ELMO1: variants seen among roughly 807,000 people sequenced by gnomAD.
ELMO1 encodes the protein engulfment and cell motility 1.
Under a neutral mutation model 98.9 loss-of-function variants are expected in ELMO1, and 26 were observed. That is an observed-to-expected ratio of 0.26 (90% CI 0.19 to 0.36). The LOEUF is 0.36. ELMO1 is among the 10% of genes least tolerant of loss of function. The pLI, the probability that ELMO1 is intolerant of heterozygous loss-of-function variation, is 1.00. For missense variants in ELMO1, 627 were observed against 935.2 expected (o/e 0.67, Z 4.30); for synonymous variants, 346 against 346.0 (o/e 1.00, Z 0.00).
chr7:36,863,188 T>C (rs2129034898), intron 20 of ELMO1, among the ~76,000 whole-genome samples: 1 of 152,292 alleles, frequency 6.6e-6, no homozygotes, highest in South Asian at 2.1e-4. Context: ...AAGGAAAGAA[T>C]GCTGAGTCGT....
At chr7:37,381,828 T>C (rs1802594222) in intron 1 of ELMO1, among the ~76,000 whole-genome samples, 1 of 152,162 alleles carries the variant, frequency 6.6e-6, no homozygotes, top group African/African-American at 2.4e-5. Context: ...TTAGTAAAAT[T>C]TCATTTCCTC....
chr7:37,108,588 A>G (rs1168995109), intron 14 of ELMO1, among the ~76,000 whole-genome samples: 1 of 152,190 alleles, frequency 6.6e-6, no homozygotes, highest in Non-Finnish European at 1.5e-5. Flanking sequence ...CAAGTGAGAT[A>G]ACCTTTTATC....
chr7:37,291,113 C>T (rs1797659203), intron 4 of ELMO1, among the ~76,000 whole-genome samples: 1 of 152,020 alleles, frequency 6.6e-6, no homozygotes, highest in East Asian at 1.9e-4. Context: ...ATGGAAGTGG[C>T]AGATAGGTAA....
chr7:36,919,493 C>A, intron 16 of ELMO1: 1 of 464,408 alleles, frequency 2.2e-6, no homozygotes, highest in Non-Finnish European at 4.7e-6. Flanking sequence ...AAACCTGGTT[C>A]TCTCACTTAT....
intron 13 of ELMO1, among the ~76,000 whole-genome samples, chr7:37,180,178 T>C (rs1295985929): frequency 5.3e-5 from 8 of 152,180 alleles, no homozygotes; most frequent in South Asian, 2.1e-4. Context: ...AGATTTTCCA[T>C]GGTCTTCAGG....
chr7:36,865,348 G>T (rs764178166), intron 20 of ELMO1, among the ~76,000 whole-genome samples: 1 of 152,168 alleles, frequency 6.6e-6, no homozygotes, highest in Non-Finnish European at 1.5e-5. Flanking sequence ...ATAGCTTATT[G>T]CTGTCCAGAT....
intron 15 of ELMO1, among the ~76,000 whole-genome samples, chr7:37,021,304 A>C (rs1794252702): frequency 1.3e-5 from 2 of 152,224 alleles, no homozygotes; most frequent in Admixed American, 1.3e-4. Flanking sequence ...TCAGCTCCTG[A>C]AGTCTGGTTT....
At chr7:36,861,613 GA>G (rs1304125415) in intron 21 of ELMO1, 45 bp downstream of exon 21, 1 of 1,569,124 alleles carries the variant, frequency 6.4e-7, no homozygotes, top group Non-Finnish European at 8.7e-7. Flanking sequence ...TTTTTCTTGA[GA>G]AAAGATAACA....
At position 37,050,380 on chromosome 7, in the gene ELMO1, G is replaced by A. The variant is rs1368739203; in HGVS notation, c.1301-36945C>T. ...CTCCCAAAGTGCTGGGATTATAGGC[G>A]TGAGCCACCATGCCTGGCCCCCAGT... On this transcript the variant is annotated intron_variant, in intron 15 of 21. Transcript: ENST00000310758. 8.6e-5 allele frequency among the ~76,000 whole-genome samples: 13 copies of A among 151,948 alleles called. No individual in the cohort carries two copies. In the East Asian group the frequency reaches 1.7e-3, roughly 20 times the overall value.
In ELMO1 at chr7:37,241,236, C is replaced by T. The variant is rs183036959; in HGVS notation, c.449+3120G>A. On this transcript the variant is annotated intron_variant, in intron 7 of 21. Transcript: ENST00000310758. ...GGAGGATTAAATCTTCTTAATGAGG[C>T]GACCATTTTTATTACTAATTATCCC... 1.7e-3 allele frequency among the ~76,000 whole-genome samples: 260 copies of T among 152,016 alleles called. 1 individual carries two copies. The highest frequency in any genetic ancestry group is 2.3e-3 in the Non-Finnish European group (157 of 67,926).
At chr7:37,394,946 A>T (rs1055452145) in intron 1 of ELMO1, among the ~76,000 whole-genome samples, 2 of 152,206 alleles carry the variant, frequency 1.3e-5, no homozygotes, top group African/African-American at 4.8e-5. Context: ...GATGAATATC[A>T]TGGAAGGCTG....
chr7:37,100,903 T>C (rs772520628), intron 14 of ELMO1, among the ~76,000 whole-genome samples: 1 of 152,190 alleles, frequency 6.6e-6, no homozygotes, highest in African/African-American at 2.4e-5. Flanking sequence ...CTGCATGTCT[T>C]TGTGAGATAC....
chr7:36,882,630 G>T (rs1264251314), intron 18 of ELMO1, among the ~76,000 whole-genome samples: 1 of 152,208 alleles, frequency 6.6e-6, no homozygotes, highest in Non-Finnish European at 1.5e-5. Flanking sequence ...CACATAGCTG[G>T]ATGACACACC....
At chr7:37,357,009 A>G (rs1200857530) in intron 1 of ELMO1, among the ~76,000 whole-genome samples, 1 of 152,154 alleles carries the variant, frequency 6.6e-6, no homozygotes, top group African/African-American at 2.4e-5. Context: ...GGAGGAAGAC[A>G]TGCTACACAG....
chr7:37,171,481 CTATTTTTTTTTTT>C (rs1481742303), intron 13 of ELMO1, among the ~76,000 whole-genome samples: 2 of 44,298 alleles, frequency 4.5e-5, no homozygotes, highest in African/African-American at 1.2e-4. Flanking sequence ...CCAGGCCTTT[CTATTTTTTTTTTT>C]TTTTTTTTTT....
At chr7:36,957,768 G>A (rs1345447399) in intron 16 of ELMO1, among the ~76,000 whole-genome samples, 1 of 152,180 alleles carries the variant, frequency 6.6e-6, no homozygotes, top group Non-Finnish European at 1.5e-5. Context: ...TGCCCCAAGT[G>A]TGGAGAGAAC....
intron 4 of ELMO1, among the ~76,000 whole-genome samples, chr7:37,278,211 T>A (rs951867171): frequency 1.3e-5 from 2 of 150,272 alleles, no homozygotes; most frequent in Non-Finnish European, 3.0e-5. Flanking sequence ...AGTTTCCAGT[T>A]ATGCGAATAC....
At chr7:37,260,203 A>C (rs1369347619) in intron 5 of ELMO1, among the ~76,000 whole-genome samples, 1 of 152,242 alleles carries the variant, frequency 6.6e-6, no homozygotes, top group Non-Finnish European at 1.5e-5. Flanking sequence ...TAATACAGAT[A>C]ACCAAGTTAA....
At chr7:37,429,383 CA>C in intron 1 of ELMO1, 1 of 152,378 alleles carries the variant, frequency 6.6e-6, no homozygotes, top group East Asian at 1.9e-4. Flanking sequence ...AAGAGGCTGG[CA>C]CAGATCAGGC....
Sources: gnomAD v4.1 joint callset for allele counts (sites outside exome capture counted in the v4.1 genomes callset) on GRCh38, gnomAD v4.1.1 for gene constraint, MANE v1.5 for transcripts, NCBI Gene and HGNC (gene_info 2026-07-23, HGNC 2026-07-21) for gene names.